Variants in RAB38 observed in about 807,000 individuals in gnomAD.
RAB38 encodes ras-related protein Rab-38.
A neutral mutation model predicts 18.4 loss-of-function variants in RAB38; 15 were observed. That is an observed-to-expected ratio of 0.82 (90% CI 0.55 to 1.26). The LOEUF (loss-of-function observed/expected upper bound fraction) is 1.26, where lower values mean the gene tolerates loss of function less well. RAB38 is among the 50% of genes most tolerant of loss of function. RAB38 has a pLI of 0.00. For missense variants in RAB38, 294 were observed against 267.4 expected (o/e 1.10, Z -0.69); for synonymous variants, 101 against 104.4 (o/e 0.97, Z 0.20).
intron 2 of RAB38, among the ~76,000 whole-genome samples, chr11:88,128,329 G>T (rs536076815): frequency 6.6e-6 from 1 of 152,210 alleles, no homozygotes; most frequent in Non-Finnish European, 1.5e-5. Flanking sequence ...AAACTTGTGG[G>T]AGAGCTGAGA....
At chr11:87,953,085 G>A in the RAB38 span, among the ~76,000 whole-genome samples, 1 of 151,160 alleles carries the variant, frequency 6.6e-6, no homozygotes, top group Non-Finnish European at 1.5e-5. Context: ...ACAGACTCCT[G>A]ATGATCATTT....
At chr11:88,045,139 C>T in the RAB38 span, among the ~76,000 whole-genome samples, 6 of 152,166 alleles carry the variant, frequency 3.9e-5, no homozygotes, top group Admixed American at 1.3e-4. Flanking sequence ...AGATGCTTTA[C>T]AGCCCTAGAC....
At chr11:87,894,016 T>A in the RAB38 span, among the ~76,000 whole-genome samples, 6,945 of 151,774 alleles carry the variant, frequency 0.046, 505 homozygotes, top group African/African-American at 0.16. Context: ...AGTAGGGACA[T>A]TTTAACAACA....
At chr11:88,130,594 C>T (rs2134794398) in intron 2 of RAB38, among the ~76,000 whole-genome samples, 1 of 152,306 alleles carries the variant, frequency 6.6e-6, no homozygotes, top group African/African-American at 2.4e-5. Flanking sequence ...CTGCTTTGAA[C>T]ATCTGATCTT....
At chr11:87,828,795 A>G in the RAB38 span, among the ~76,000 whole-genome samples, 1 of 152,154 alleles carries the variant, frequency 6.6e-6, no homozygotes, top group Non-Finnish European at 1.5e-5. Flanking sequence ...ATTGCCAAAC[A>G]ATGTGCTTTA....
At chr11:88,100,297 AG>A in the RAB38 span, among the ~76,000 whole-genome samples, 7 of 152,102 alleles carry the variant, frequency 4.6e-5, no homozygotes, top group Admixed American at 2.6e-4. Context: ...ATTCAAGGTC[AG>A]CCAACATAAA....
chr11:87,861,034 G>A, the RAB38 span, among the ~76,000 whole-genome samples: 3 of 151,850 alleles, frequency 2.0e-5, no homozygotes, highest in Admixed American at 6.6e-5. Flanking sequence ...AATTATTCAC[G>A]CTTTATAAAA....
the RAB38 span, among the ~76,000 whole-genome samples, chr11:88,090,452 C>T: frequency 1.3e-5 from 2 of 151,860 alleles, 1 homozygote; most frequent in South Asian, 4.1e-4. Context: ...CTTTTAGATT[C>T]TCATTTCCTA....
chr11:88,164,323 T>C (rs1272581766), intron 1 of RAB38, among the ~76,000 whole-genome samples: 2 of 150,260 alleles, frequency 1.3e-5, no homozygotes, highest in Non-Finnish European at 3.0e-5. Context: ...TCAAGGCAAA[T>C]ACGGTAGTAC....
chr11:88,050,829 T>C, the RAB38 span, among the ~76,000 whole-genome samples: 1 of 152,118 alleles, frequency 6.6e-6, no homozygotes, highest in Non-Finnish European at 1.5e-5. Flanking sequence ...CTCTGAAATA[T>C]AATTAGTAAC....
the RAB38 span, among the ~76,000 whole-genome samples, chr11:87,922,789 G>A: frequency 6.6e-6 from 1 of 151,300 alleles, no homozygotes; most frequent in African/African-American, 2.4e-5. Context: ...AAATAAGAAA[G>A]GAGGAAAGAT....
chr11:88,049,826 G>A, the RAB38 span, among the ~76,000 whole-genome samples: 16 of 152,308 alleles, frequency 1.1e-4, no homozygotes, highest in South Asian at 4.1e-4. Context: ...AAAATTCACC[G>A]TCTGGGCCAA....
At chr11:87,954,513 G>T in the RAB38 span, among the ~76,000 whole-genome samples, 1 of 152,092 alleles carries the variant, frequency 6.6e-6, no homozygotes, top group Non-Finnish European at 1.5e-5. Context: ...AATACCTACT[G>T]AAAGACCTGC....
intron 1 of RAB38, among the ~76,000 whole-genome samples, chr11:88,151,524 G>C (rs942982665): frequency 1.3e-5 from 2 of 152,050 alleles, no homozygotes; most frequent in Non-Finnish European, 2.9e-5. Flanking sequence ...TCTGATTTGG[G>C]AATTTATTTA....
chr11:87,944,463 C>A, the RAB38 span, among the ~76,000 whole-genome samples: 4 of 152,056 alleles, frequency 2.6e-5, no homozygotes, highest in Non-Finnish European at 1.5e-5. Flanking sequence ...CACCCTGTTC[C>A]CCTGTAGTCT....
the RAB38 span, among the ~76,000 whole-genome samples, chr11:87,820,262 G>T: frequency 6.6e-6 from 1 of 152,158 alleles, no homozygotes; most frequent in Non-Finnish European, 1.5e-5. Context: ...TCTGCCAAAG[G>T]CAGGAAACCA....
chr11:88,149,548 A>T (rs1246988947), intron 2 of RAB38, 127 bp downstream of exon 2: 2 of 1,119,338 alleles, frequency 1.8e-6, no homozygotes, highest in Non-Finnish European at 2.5e-6. Flanking sequence ...GAAAGAGCTT[A>T]GAGCAATGTG....
At chr11:87,861,830 G>A in the RAB38 span, among the ~76,000 whole-genome samples, 3 of 151,696 alleles carry the variant, frequency 2.0e-5, no homozygotes, top group East Asian at 2.0e-4. Flanking sequence ...TCTTAAAAAA[G>A]CATCAATTTT....
the RAB38 span, among the ~76,000 whole-genome samples, chr11:88,081,167 T>C: frequency 6.6e-6 from 1 of 151,866 alleles, no homozygotes. Flanking sequence ...TGCAAAACAA[T>C]TGAAACAGTC....
Sources: gnomAD v4.1 joint callset for allele counts (sites outside exome capture counted in the v4.1 genomes callset) on GRCh38, gnomAD v4.1.1 for gene constraint, MANE v1.5 for transcripts, NCBI Gene and HGNC (gene_info 2026-07-23, HGNC 2026-07-21) for gene names.